Variants in LRRC37A2 observed in about 807,000 individuals in gnomAD.
LRRC37A2 encodes the protein leucine rich repeat containing 37 member A2, also known as leucine-rich repeat-containing protein 37A2.
Under a neutral mutation model 68.8 loss-of-function variants are expected in LRRC37A2, and 9 were observed. The ratio of observed to expected loss-of-function variants is 0.13; its 90% CI spans 0.08 to 0.23. LRRC37A2 has a LOEUF of 0.23. Among genes scored for constraint, LRRC37A2 ranks in the 10% least tolerant of loss-of-function variants. The pLI is 1.00. For synonymous variants in LRRC37A2, 63 were observed against 367.6 expected, an observed-to-expected ratio of 0.17 and a Z score of 9.48; for missense variants, 168 against 950.4, an observed-to-expected ratio of 0.18 and a Z score of 10.82.
At chr17:47,010,730 AG>A in the LRRC37A2 span, 1 of 152,256 alleles carries the variant, frequency 6.6e-6, no homozygotes, top group East Asian at 1.9e-4. Flanking sequence ...AGAAATCCCT[AG>A]GCCACCTGGA....
At chr17:47,027,470 C>T in the LRRC37A2 span, 1 of 699,340 alleles carries the variant, frequency 1.4e-6, no homozygotes, top group East Asian at 2.7e-5. Context: ...AATGTGTATC[C>T]AATATTATTC....
the LRRC37A2 span, among the ~76,000 whole-genome samples, chr17:46,806,868 C>G: frequency 6.1e-3 from 922 of 152,362 alleles, 6 homozygotes; most frequent in Middle Eastern, 0.01. Flanking sequence ...CAGAGTGGGG[C>G]TTGGCCCTCA....
the LRRC37A2 span, chr17:46,751,395 G>A: frequency 1.7e-5 from 13 of 766,388 alleles, no homozygotes. Context: ...CTATCAACTT[G>A]AACAGTTAGG....
intron 12 of LRRC37A2, chr17:46,554,519 A>AC (rs1454819137): frequency 2.7e-4 from 1 of 3,690 alleles, no homozygotes; most frequent in African/African-American, 6.2e-3. Context: ...GGAGAAAGGG[A>AC]GAGTGTCTTA....
chr17:46,417,023 G>A, the LRRC37A2 span, among the ~76,000 whole-genome samples: 9 of 149,764 alleles, frequency 6.0e-5, no homozygotes, highest in African/African-American at 1.5e-4. Flanking sequence ...ACTTGAACCC[G>A]GGAGGTGGAG....
chr17:46,921,373 A>T, the LRRC37A2 span: 1 of 152,252 alleles, frequency 6.6e-6, no homozygotes, highest in East Asian at 1.9e-4. Flanking sequence ...TAAAACCATA[A>T]AAACCCTAGA....
At chr17:46,855,306 C>T in the LRRC37A2 span, among the ~76,000 whole-genome samples, 3 of 152,176 alleles carry the variant, frequency 2.0e-5, no homozygotes, top group Admixed American at 6.5e-5. Context: ...TGGATAAGGC[C>T]GCACATTCTT....
At chr17:46,749,343 T>A in the LRRC37A2 span, among the ~76,000 whole-genome samples, 1 of 152,204 alleles carries the variant, frequency 6.6e-6, no homozygotes, top group Non-Finnish European at 1.5e-5. Flanking sequence ...AAATATAAAC[T>A]CTTATTACCC....
the LRRC37A2 span, among the ~76,000 whole-genome samples, chr17:47,009,224 T>C: frequency 1.3e-5 from 2 of 152,130 alleles, no homozygotes; most frequent in Non-Finnish European, 2.9e-5. Context: ...ATCTAAAAAA[T>C]TTTATCCTTT....
At chr17:46,716,401 C>T in the LRRC37A2 span, among the ~76,000 whole-genome samples, 2 of 152,028 alleles carry the variant, frequency 1.3e-5, no homozygotes, top group Non-Finnish European at 2.9e-5. Flanking sequence ...GGACTACAGG[C>T]ACCCGCCACC....
chr17:47,041,502 G>A, the LRRC37A2 span, among the ~76,000 whole-genome samples: 1 of 82,368 alleles, frequency 1.2e-5, no homozygotes, highest in Non-Finnish European at 2.4e-5. Context: ...CTGTTGCCCA[G>A]GCTGGAGTGT....
the LRRC37A2 span, chr17:46,728,926 C>T: frequency 6.3e-7 from 1 of 1,599,556 alleles, no homozygotes; most frequent in South Asian, 1.1e-5. Context: ...GAAAAAGGCA[C>T]CTCCTCAGGT....
chr17:46,499,027 T>G, the LRRC37A2 span, among the ~76,000 whole-genome samples: 1 of 149,678 alleles, frequency 6.7e-6, no homozygotes. Flanking sequence ...TAGAAAGCAC[T>G]CTATAGGCCA....
the LRRC37A2 span, among the ~76,000 whole-genome samples, chr17:46,962,328 C>CAAAA: frequency 1.4e-5 from 2 of 139,388 alleles, no homozygotes; most frequent in South Asian, 2.3e-4. Context: ...GACTCCATCT[C>CAAAA]AAAAAAAAAA....
the LRRC37A2 span, among the ~76,000 whole-genome samples, chr17:46,891,788 GCTT>G: frequency 3.3e-5 from 5 of 152,116 alleles, no homozygotes; most frequent in East Asian, 9.6e-4. Flanking sequence ...CTCTGCAGGG[GCTT>G]CAGGAACCCC....
At chr17:46,768,858 GC>G in the LRRC37A2 span, 11 of 1,585,564 alleles carry the variant, frequency 6.9e-6, no homozygotes, top group Non-Finnish European at 9.4e-6. The surrounding 1 kb of genome is among the most constrained non-coding windows in gnomAD (Gnocchi z 5.0). Context: ...GCACATCCAG[GC>G]CTTCCCTCTC....
the LRRC37A2 span, among the ~76,000 whole-genome samples, chr17:46,987,273 A>G: frequency 6.6e-6 from 1 of 152,004 alleles, no homozygotes; most frequent in Non-Finnish European, 1.5e-5. Context: ...TAATAACTGT[A>G]GCTGCAGGGG....
the LRRC37A2 span, chr17:46,931,137 T>G: frequency 6.2e-7 from 1 of 1,611,254 alleles, no homozygotes; most frequent in Non-Finnish European, 8.5e-7. Flanking sequence ...AGACCAGATA[T>G]TCAGCCGTCT....
At chr17:46,720,427 A>AT in the LRRC37A2 span, among the ~76,000 whole-genome samples, 1 of 151,958 alleles carries the variant, frequency 6.6e-6, no homozygotes, top group Non-Finnish European at 1.5e-5. Flanking sequence ...AAAATGTAAG[A>AT]TTTTTTCCTG....
Sources: gnomAD v4.1 joint callset for allele counts (sites outside exome capture counted in the v4.1 genomes callset) on GRCh38, gnomAD v4.1.1 for gene constraint, Gnocchi (gnomAD v3.1) non-coding constraint, MANE v1.5 for transcripts, NCBI Gene and HGNC (gene_info 2026-07-23, HGNC 2026-07-21) for gene names.